Variants in TYR observed in about 807,000 individuals in gnomAD.
TYR encodes tyrosinase.
In TYR, 58 loss-of-function variants were observed where a neutral mutation model predicts 51.5. That is an observed-to-expected ratio of 1.13 (90% CI 0.91 to 1.40). The LOEUF (loss-of-function observed/expected upper bound fraction) is 1.40, where lower values mean the gene tolerates loss of function less well. Ranked by LOEUF, TYR falls within the 40% of genes most tolerant of loss-of-function variation. TYR has a pLI of 0.00. For missense variants in TYR, 732 were observed against 647.4 expected (o/e 1.13, Z -1.42); for synonymous variants, 263 against 235.2 (o/e 1.12, Z -1.08).
At chr11:89,223,400 T>A (rs1156949469) in intron 2 of TYR, among the ~76,000 whole-genome samples, 1 of 152,202 alleles carries the variant, frequency 6.6e-6, no homozygotes, top group Admixed American at 6.5e-5. Flanking sequence ...CTATTTTTTT[T>A]CAAGTTGACT....
At chr11:89,210,767 T>C (rs1000905305) in intron 2 of TYR, among the ~76,000 whole-genome samples, 8 of 152,178 alleles carry the variant, frequency 5.3e-5, no homozygotes, top group African/African-American at 1.9e-4. Context: ...ACAGCAGATC[T>C]CTCAGCAGAA....
chr11:89,243,716 G>C (rs899272578), intron 3 of TYR, among the ~76,000 whole-genome samples: 2 of 152,062 alleles, frequency 1.3e-5, no homozygotes, highest in African/African-American at 4.8e-5. Context: ...TAGCAAACTG[G>C]CTAAGAAATG....
intron 3 of TYR, among the ~76,000 whole-genome samples, chr11:89,241,908 T>C (rs1565409922): frequency 6.6e-6 from 1 of 150,384 alleles, no homozygotes. Flanking sequence ...TTTTTATAGA[T>C]GAGAAGACTG....
intron 3 of TYR, among the ~76,000 whole-genome samples, chr11:89,248,122 A>G (rs551000422): frequency 2.6e-5 from 4 of 152,276 alleles, no homozygotes; most frequent in African/African-American, 9.6e-5. Context: ...AAATGGTGCT[A>G]ATATTTGTAG....
At chr11:89,214,205 T>C (rs894274964) in intron 2 of TYR, among the ~76,000 whole-genome samples, 2 of 151,222 alleles carry the variant, frequency 1.3e-5, no homozygotes, top group East Asian at 3.9e-4. Flanking sequence ...CTAATGTCCA[T>C]CAAAAAGTGG....
chr11:89,191,543 ATACT>A (rs1943446564), intron 2 of TYR, 125 bp downstream of exon 2: 3 of 894,418 alleles, frequency 3.4e-6, no homozygotes, highest in Non-Finnish European at 5.3e-6. Context: ...TGTGTTGTAT[ATACT>A]TATATCGACA....
chr11:89,277,329 C>A (rs559842665), intron 3 of TYR, among the ~76,000 whole-genome samples: 2 of 151,828 alleles, frequency 1.3e-5, no homozygotes, highest in South Asian at 4.1e-4. Flanking sequence ...ACTAGAAATT[C>A]GTGTGGCTGG....
At chr11:89,242,011 C>T (rs766937893) in intron 3 of TYR, among the ~76,000 whole-genome samples, 1 of 151,830 alleles carries the variant, frequency 6.6e-6, no homozygotes, top group African/African-American at 2.4e-5. Context: ...ATTTAAATCA[C>T]ATTATACTGT....
In TYR at chr11:89,177,910, C is replaced by G. The variant is rs1250604335; in HGVS notation, c.-44C>G. ...TAGCTGGAAAGAGAAATCTGTGACT[C>G]CAATTAGCCAGTTCCTGCAGACCTT... On this transcript the variant is annotated 5_prime_UTR_variant, in exon 1 of 5. Transcript: ENST00000263321. 18 of 1,596,562 alleles carry G rather than the reference C, an allele frequency of 1.1e-5. No individual in the cohort carries two copies. Among genetic ancestry groups the G allele is most frequent in the African/African-American group, 2.7e-5 (2 of 74,582 alleles).
At chr11:89,274,564 C>T (rs1944629321) in intron 3 of TYR, among the ~76,000 whole-genome samples, 1 of 151,842 alleles carries the variant, frequency 6.6e-6, no homozygotes, top group Admixed American at 6.6e-5. Context: ...TGTCTTACAG[C>T]TCTTTAAAGT....
intron 3 of TYR, among the ~76,000 whole-genome samples, chr11:89,241,971 A>C (rs1271620058): frequency 1.3e-5 from 2 of 152,022 alleles, no homozygotes; most frequent in South Asian, 2.1e-4. Flanking sequence ...AAAAGATGAT[A>C]CCACGTTTTG....
At chr11:89,236,503 A>C (rs945835254) in intron 3 of TYR, among the ~76,000 whole-genome samples, 1 of 152,186 alleles carries the variant, frequency 6.6e-6, no homozygotes, top group African/African-American at 2.4e-5. Flanking sequence ...ATATTAAGCA[A>C]AGATCAAGGT....
At chr11:89,250,055 G>C (rs1001408090) in intron 3 of TYR, among the ~76,000 whole-genome samples, 1 of 151,992 alleles carries the variant, frequency 6.6e-6, no homozygotes, top group East Asian at 1.9e-4. Flanking sequence ...GGGGCTGGGG[G>C]CTGACTAGGA....
At chr11:89,183,383 C>G (rs924852634) in intron 1 of TYR, among the ~76,000 whole-genome samples, 1 of 151,770 alleles carries the variant, frequency 6.6e-6, no homozygotes, top group Non-Finnish European at 1.5e-5. Context: ...CGACATTGGA[C>G]CAGTTATTTA....
intron 1 of TYR, among the ~76,000 whole-genome samples, chr11:89,188,576 T>C (rs1391751908): frequency 1.6e-4 from 25 of 152,080 alleles, no homozygotes; most frequent in Non-Finnish European, 1.5e-5. Context: ...TAGATTTCCA[T>C]CTAATGATGG....
intron 3 of TYR, among the ~76,000 whole-genome samples, chr11:89,245,879 C>A (rs1484922342): frequency 6.6e-6 from 1 of 151,496 alleles, no homozygotes; most frequent in Non-Finnish European, 1.5e-5. Context: ...CAAGATCACG[C>A]TACTGCACTC....
chr11:89,217,116 T>A (rs375097514), intron 2 of TYR, among the ~76,000 whole-genome samples: 23 of 152,332 alleles, frequency 1.5e-4, no homozygotes, highest in Middle Eastern at 3.4e-3. Context: ...TCTGTCACAG[T>A]GTTGTTTTAA....
At chr11:89,201,145 T>C (rs961771510) in intron 2 of TYR, among the ~76,000 whole-genome samples, 10 of 152,190 alleles carry the variant, frequency 6.6e-5, no homozygotes, top group African/African-American at 9.6e-5. Context: ...TATGAAGACA[T>C]TGACAAGCTC....
At chr11:89,229,140 C>T (rs1485760166) in intron 3 of TYR, among the ~76,000 whole-genome samples, 2 of 152,060 alleles carry the variant, frequency 1.3e-5, no homozygotes, top group African/African-American at 4.8e-5. Flanking sequence ...TCCACAGGAA[C>T]ATGGACATAA....
Sources: allele counts gnomAD v4.1 joint callset (sites outside exome capture counted in the v4.1 genomes callset), GRCh38; gene constraint gnomAD v4.1.1; transcripts MANE v1.5; gene names NCBI Gene and HGNC (gene_info 2026-07-23, HGNC 2026-07-21).